Variants in NBAS observed in about 807,000 individuals in gnomAD.
NBAS encodes NAG/BC035112 fusion.
In NBAS, 219 loss-of-function variants were observed where a neutral mutation model predicts 302.5. The ratio of observed to expected loss-of-function variants is 0.72; its 90% confidence interval spans 0.65 to 0.81. The LOEUF is 0.81. Among genes scored for constraint, NBAS ranks in the 30% least tolerant of loss-of-function variants. The probability of loss-of-function intolerance (pLI) is 0.00; values close to 1 mark genes in which losing one functional copy is unlikely to be tolerated. For missense variants in NBAS, 2,932 were observed against 2,841.6 expected (o/e 1.03, Z -0.72); for synonymous variants, 1,118 against 1,021.6 (o/e 1.09, Z -1.80).
At chr2:15,389,377 T>C (rs1675476961) in intron 28 of NBAS, among the ~76,000 whole-genome samples, 1 of 152,208 alleles carries the variant, frequency 6.6e-6, no homozygotes, top group African/African-American at 2.4e-5. Context: ...GGGAAGCCCA[T>C]ATTGACAGAA....
chr2:15,223,831 T>TA (rs535518239), intron 47 of NBAS, among the ~76,000 whole-genome samples: 298 of 100,812 alleles, frequency 3.0e-3, no homozygotes, highest in South Asian at 5.7e-3. Context: ...CCATCTCAAA[T>TA]AAAAAAAAAA....
At chr2:14,890,595 G>C in the NBAS span, 1 of 152,222 alleles carries the variant, frequency 6.6e-6, no homozygotes, top group East Asian at 1.9e-4. Flanking sequence ...AGGTGCGGGG[G>C]TCACTTGAAG....
chr2:15,122,422 A>T, the NBAS span, among the ~76,000 whole-genome samples: 3 of 152,116 alleles, frequency 2.0e-5, no homozygotes, highest in African/African-American at 7.2e-5. Context: ...TCTTTTAAAC[A>T]CCCAGATCGC....
intron 11 of NBAS, among the ~76,000 whole-genome samples, chr2:15,490,465 T>A (rs1680808160): frequency 6.6e-6 from 1 of 152,110 alleles, no homozygotes. Context: ...CAAAGCAAAA[T>A]TTTAAATCTA....
chr2:15,535,815 G>A (rs1438683151), intron 8 of NBAS, among the ~76,000 whole-genome samples: 1 of 152,088 alleles, frequency 6.6e-6, no homozygotes, highest in African/African-American at 2.4e-5. Flanking sequence ...AGATACAGAG[G>A]GATGACTGTA....
chr2:15,369,002 C>G (rs953137090), intron 31 of NBAS, among the ~76,000 whole-genome samples: 2 of 152,172 alleles, frequency 1.3e-5, no homozygotes, highest in Admixed American at 1.3e-4. Context: ...CTTTCCATAC[C>G]TTATCACAAT....
At chr2:15,365,371 A>G (rs114363764) in intron 32 of NBAS, among the ~76,000 whole-genome samples, 67 of 152,306 alleles carry the variant, frequency 4.4e-4, no homozygotes, top group Non-Finnish European at 9.0e-4. Flanking sequence ...TTCCCTGATG[A>G]TCAGAGTGCA....
At chr2:14,915,598 T>C in the NBAS span, among the ~76,000 whole-genome samples, 11 of 152,316 alleles carry the variant, frequency 7.2e-5, no homozygotes, top group Admixed American at 5.9e-4. Context: ...AGTCTTGTTC[T>C]GTCACCCAGG....
intron 11 of NBAS, among the ~76,000 whole-genome samples, chr2:15,500,797 A>T (rs1661501053): frequency 6.6e-6 from 1 of 151,498 alleles, no homozygotes; most frequent in Non-Finnish European, 1.5e-5. Context: ...GGGGGCGGGT[A>T]CCTGTAGTCC....
intron 21 of NBAS, among the ~76,000 whole-genome samples, chr2:15,441,407 A>C (rs1363435903): frequency 3.9e-5 from 6 of 152,090 alleles, no homozygotes; most frequent in Admixed American, 3.9e-4. Context: ...AGCCAAACTA[A>C]GCTTCATAAG....
rs80045309 is a variant in NBAS, at chr2:15,192,644, G to A, written c.6433-2241C>T. 8.6e-3 allele frequency among the ~76,000 whole-genome samples: 1,306 copies of A among 152,212 alleles called. 11 individuals carry two copies. The highest frequency in any genetic ancestry group is 0.017 in the Middle Eastern group (5 of 292). ...TATCTGAAAAATGGGTTCCAAAAAT[G>A]TTGAAATCTCAGAAGTTTTGCTAGC... On this transcript the variant is annotated intron_variant, in intron 48 of 51. Transcript: ENST00000281513.
the NBAS span, among the ~76,000 whole-genome samples, chr2:14,987,393 G>T: frequency 2.6e-5 from 4 of 151,762 alleles, no homozygotes; most frequent in East Asian, 7.7e-4. Flanking sequence ...TTGTGTACTA[G>T]ATTGAGTGGT....
chr2:14,884,400 A>T, the NBAS span, among the ~76,000 whole-genome samples: 4 of 152,186 alleles, frequency 2.6e-5, no homozygotes, highest in East Asian at 7.7e-4. Flanking sequence ...GACTTTTCAC[A>T]GCACACTCAT....
At chr2:14,808,074 G>A in the NBAS span, among the ~76,000 whole-genome samples, 1 of 152,028 alleles carries the variant, frequency 6.6e-6, no homozygotes, top group African/African-American at 2.4e-5. Flanking sequence ...GCTATTATAT[G>A]CATTTCAAAA....
the NBAS span, among the ~76,000 whole-genome samples, chr2:15,132,614 T>C: frequency 6.6e-6 from 1 of 152,184 alleles, no homozygotes; most frequent in Non-Finnish European, 1.5e-5. Context: ...AGGTTCTCAA[T>C]TGTAACAAAT....
rs116556425 is a variant in NBAS, at chr2:15,414,366, C to T, written c.2937+1180G>A. On this transcript the variant is annotated intron_variant, in intron 25 of 51. Coordinates refer to ENST00000281513, the MANE Select transcript of NBAS (RefSeq NM_015909.4). ...TTGGAATGAGCCCTACATGGGGCTT[C>T]CACTTGAACCCCAATCTAATGTTTT... is the stretch of plus-strand genomic sequence containing the variant. Among the ~76,000 whole-genome samples, 547 of 152,328 alleles carry T rather than the reference C, an allele frequency of 3.6e-3. 2 individuals carry two copies. The highest frequency in any genetic ancestry group is 0.012 in the African/African-American group (512 of 41,582).
At position 15,327,761 on chromosome 2, in the gene NBAS, G is replaced by A. The variant is rs755930042; in HGVS notation, c.4571C>T (p.Pro1524Leu). 15 of 1,613,564 alleles carry A rather than the reference G, an allele frequency of 9.3e-6. No individual in the cohort carries two copies. Among genetic ancestry groups the A allele is most frequent in the Non-Finnish European group, 1.2e-5 (14 of 1,179,648 alleles). Residue 1524 changes from proline (P) to leucine (L), a missense_variant, in exon 38 of 52, where the codon CCA (proline) becomes CTA (leucine). Pro to Leu is a moderately conservative substitution (Grantham distance 98, BLOSUM62 -3). Coordinates refer to ENST00000281513, the MANE Select transcript of NBAS (RefSeq NM_015909.4). Reference protein sequence around the residue: ...AEAKNKGEVFPTTEVLLQLAS... With the variant: ...AEAKNKGEVFLTTEVLLQLAS... ...ACCTTCTCTCTTACCTTCAGTTGTT[G>A]GAAATACTTCTCCTTTATTTTTAGC...
chr2:15,351,904 AAAACCCCTCTCATC>A, intron 35 of NBAS, 74 bp downstream of exon 35: 1 of 903,538 alleles, frequency 1.1e-6, no homozygotes, highest in Non-Finnish European at 1.8e-6. Flanking sequence ...ACACACACAC[AAAACCCCTCTCATC>A]CACAAGGTTA....
At chr2:15,001,345 T>A in the NBAS span, among the ~76,000 whole-genome samples, 1 of 152,138 alleles carries the variant, frequency 6.6e-6, no homozygotes, top group Admixed American at 6.5e-5. Context: ...ACATGTGATT[T>A]TATATATATA....
Sources: allele counts gnomAD v4.1 joint callset (sites outside exome capture counted in the v4.1 genomes callset), GRCh38; gene constraint gnomAD v4.1.1; transcripts MANE v1.5; gene names NCBI Gene and HGNC (gene_info 2026-07-23, HGNC 2026-07-21).